DDHD1: variants seen among roughly 807,000 people sequenced by gnomAD.
DDHD1 encodes the protein phospholipase DDHD1.
In DDHD1, 49 loss-of-function variants were observed where a neutral mutation model predicts 96.4. The observed-to-expected ratio is 0.51, with a 90% CI of 0.40 to 0.64. The LOEUF (loss-of-function observed/expected upper bound fraction) is 0.64. DDHD1 is among the 30% of genes least tolerant of loss of function. The pLI is 0.00. For missense variants in DDHD1, 1,106 were observed against 1,161.2 expected (o/e 0.95, Z 0.69); for synonymous variants, 442 against 446.5 (o/e 0.99, Z 0.13).
At chr14:53,089,634 T>A (rs1252135481) in intron 4 of DDHD1, among the ~76,000 whole-genome samples, 1 of 152,154 alleles carries the variant, frequency 6.6e-6, no homozygotes, top group African/African-American at 2.4e-5. Flanking sequence ...GCTAGCCATA[T>A]GCAGAAAGCT....
At chr14:53,119,659 C>A (rs1256279068) in intron 1 of DDHD1, among the ~76,000 whole-genome samples, 1 of 152,158 alleles carries the variant, frequency 6.6e-6, no homozygotes, top group Non-Finnish European at 1.5e-5. Flanking sequence ...ACATGCAAAT[C>A]AATAAACGTA....
In DDHD1 at chr14:53,044,965, G is replaced by T. The variant is rs1244250495; in HGVS notation, c.*1803C>A. 6.6e-6 allele frequency: 1 copy of T among 152,170 alleles called. No homozygotes were observed. Among genetic ancestry groups the T allele is most frequent in the Admixed American group, 6.5e-5 (1 of 15,282 alleles). The allele number at this position is 152,170 out of a possible 1,614,324, so 9.4% of individuals were successfully genotyped here. A position where few individuals can be genotyped will look rare whatever the true frequency, so the allele number is the denominator to read the frequency against. On this transcript the variant is annotated 3_prime_UTR_variant, in exon 13 of 13. Coordinates refer to ENST00000673822, the MANE Select transcript of DDHD1 (RefSeq NM_001160148.2). ...GTTAAGAAAAGACAGCACCTTAAGT[G>T]GAACCTAGTGGAAACCACTCAGAAG...
chr14:53,151,290 T>C lies in DDHD1; in HGVS notation c.838+971A>G, dbSNP rs146110310. On this transcript the variant is annotated intron_variant, in intron 1 of 12. Coordinates refer to ENST00000673822, the MANE Select transcript of DDHD1 (RefSeq NM_001160148.2). ...CAATGAAGACATCTAAGTTAGGGCA[T>C]TGGGCCCACGAAAATTAAAAGTGTA... 2.7e-3 allele frequency among the ~76,000 whole-genome samples: 416 copies of C among 152,288 alleles called. 1 individual carries two copies. The highest frequency in any genetic ancestry group is 9.6e-3 in the African/African-American group (397 of 41,550).
chr14:53,085,909 ATTAGATGAATGGCTAAC>A (rs1051759342), intron 4 of DDHD1, among the ~76,000 whole-genome samples: 1 of 152,142 alleles, frequency 6.6e-6, no homozygotes, highest in African/African-American at 2.4e-5. Flanking sequence ...TTGAAAAAAG[ATTAGATGAATGGCTAAC>A]TAGAATAAAC....
rs10137533 is a variant in DDHD1, at chr14:53,051,670, A to G, written c.2521+174T>C. Among the ~76,000 whole-genome samples the G allele has an allele frequency of 0.031, 4,775 of 152,056 alleles. 246 individuals carry two copies. The highest frequency in any genetic ancestry group is 0.11 in the African/African-American group (4,419 of 41,492). ...TAGTCAATTTTCAGGTTTCAGAACC[A>G]CTACCATTTAAGACTAGAAAATATG... is the stretch of plus-strand genomic sequence containing the variant. On this transcript the variant is annotated intron_variant, in intron 12 of 12. Transcript: ENST00000673822.
chr14:53,134,870 T>A (rs1265867185), intron 1 of DDHD1, among the ~76,000 whole-genome samples: 1 of 152,170 alleles, frequency 6.6e-6, no homozygotes. Context: ...CAAAACTGCA[T>A]CCAGGCCATC....
chr14:53,062,978 T>C lies in DDHD1; in HGVS notation c.1731A>G (p.Arg577=), dbSNP rs1477989540. The C allele has an allele frequency of 3.1e-6, 5 of 1,614,082 alleles. No individual in the cohort carries two copies. The highest frequency in any genetic ancestry group is 4.2e-6 in the Non-Finnish European group (5 of 1,179,980). Reference sequence around the variant, plus strand: ...TTATATAGAGTTCATCAAGAAGATGTCGTTCTTCATAGCTCATCCATCGTT... The same window carrying C: ...TTATATAGAGTTCATCAAGAAGATGCCGTTCTTCATAGCTCATCCATCGTT... ...PDERWMSYEE[R]HLLDELYITK... Residue 577 remains arginine (R), a synonymous_variant, in exon 7 of 13, where the codon CGA becomes CGG. Coordinates refer to ENST00000673822, the MANE Select transcript of DDHD1 (RefSeq NM_001160148.2).
rs769712765 is a variant in DDHD1 at position 53,054,484 on chromosome 14, C to G, written c.2391G>C (p.Gly797=). The change falls in exon 11 of 13, where the codon GGG becomes GGC. Residue 797 remains glycine, a synonymous_variant. Coordinates refer to ENST00000673822, the MANE Select transcript of DDHD1 (RefSeq NM_001160148.2). ...AACTGCTATGTGGAAGGGTCTGTGTCCCTACGGTGGTAGCAGAAGGTGAGG... is the reference window on the plus strand; with the variant it reads ...AACTGCTATGTGGAAGGGTCTGTGTGCCTACGGTGGTAGCAGAAGGTGAGG... ...PVASPSATTV[G]TQTLPHSSSG... is the part of the protein sequence containing the mutation. 6.2e-7 allele frequency: 1 copy of G among 1,614,046 alleles called. No homozygotes were observed. The highest frequency in any genetic ancestry group is 1.1e-5 in the South Asian group (1 of 91,054).
intron 4 of DDHD1, among the ~76,000 whole-genome samples, chr14:53,077,410 G>C (rs1450370636): frequency 1.3e-5 from 2 of 152,168 alleles, no homozygotes; most frequent in African/African-American, 4.8e-5. Flanking sequence ...TAACCAAATA[G>C]TTTCTGCATG....
In DDHD1 at chr14:53,054,626, G is replaced by A; in HGVS notation, c.2249C>T (p.Ala750Val). The change falls in exon 11 of 13, where the codon GCT (alanine) becomes GTT (valine). Residue 750 changes from alanine to valine, a missense_variant. By Grantham distance (64) the Ala-to-Val change is moderately conservative. Transcript: ENST00000673822. ...TNIGKASILG[A>V]ASIGKGLGGM... Reference sequence around the variant, plus strand: ...TCCAAGTCCCTTTCCAATGCTAGCAGCCCCTGTATTTCACAAAGCAGGGTA... The same window carrying A: ...TCCAAGTCCCTTTCCAATGCTAGCAACCCCTGTATTTCACAAAGCAGGGTA... The A allele has an allele frequency of 6.2e-7, 1 of 1,613,330 alleles. No homozygotes were observed. Among genetic ancestry groups the A allele is most frequent in the East Asian group, 2.2e-5 (1 of 44,866 alleles).
chr14:53,146,495 C>CAA (rs11399058), intron 1 of DDHD1, among the ~76,000 whole-genome samples: 2,758 of 137,414 alleles, frequency 0.02, 56 homozygotes, highest in Admixed American at 0.049. Flanking sequence ...CAGAGCATCT[C>CAA]AAAAAAAAAA....
Position 53,091,946 on chromosome 14 carries a change from A to G in DDHD1, c.1142-14T>C, listed in dbSNP as rs1886464902. 8 of 1,600,236 alleles carry G rather than the reference A, an allele frequency of 5.0e-6. No individual in the cohort carries two copies. The highest frequency in any genetic ancestry group is 6.0e-6 in the Non-Finnish European group (7 of 1,173,354). The stretch of plus-strand genomic sequence containing the variant: ...CACTACTTGATGCTGTAGAAAAATT[A>G]TAATTCTAAGTTTACTATTTAATCT... On this transcript the variant is annotated splice_polypyrimidine_tract_variant and intron_variant, in intron 3 of 12. Coordinates refer to ENST00000673822, the MANE Select transcript of DDHD1 (RefSeq NM_001160148.2).
At chr14:53,126,456 T>A (rs1392304657) in intron 1 of DDHD1, among the ~76,000 whole-genome samples, 1 of 152,212 alleles carries the variant, frequency 6.6e-6, no homozygotes, top group Admixed American at 6.5e-5. Context: ...CAGCCTCGAC[T>A]TCCCGGGCTC....
In DDHD1 at chr14:53,045,955, A is replaced by G. The variant is rs949295556; in HGVS notation, c.*813T>C. The G allele has an allele frequency of 1.3e-5, 2 of 152,210 alleles. No individual in the cohort carries two copies. The highest frequency in any genetic ancestry group is 1.3e-4 in the Admixed American group (2 of 15,276). The allele number at this position is 152,210 out of a possible 1,614,324, so 9.4% of individuals were successfully genotyped here. ...ATGGAGTACTCCGTGTCAAGTTTAG[A>G]GAAACTTTAGCTTTCTCTGAAGTAC... On this transcript the variant is annotated 3_prime_UTR_variant, in exon 13 of 13. Transcript: ENST00000673822.
At position 53,128,530 on chromosome 14, in the gene DDHD1, C is replaced by T. The variant is rs139704558; in HGVS notation, c.838+23731G>A. 7.5e-4 allele frequency among the ~76,000 whole-genome samples: 114 copies of T among 152,314 alleles called. 1 individual carries two copies. The highest frequency in any genetic ancestry group is 2.6e-3 in the African/African-American group (108 of 41,556). On this transcript the variant is annotated intron_variant, in intron 1 of 12. Transcript: ENST00000673822. ...GTATGACCTTATCACTTCCCAAAGGCCCCACTTCCCCAATACCATCACCTA... is the reference window on the plus strand; with the variant it reads ...GTATGACCTTATCACTTCCCAAAGGTCCCACTTCCCCAATACCATCACCTA...
rs1881617120 is a variant in DDHD1, at chr14:53,041,143, A to C, written c.*5625T>G. ...AGAAAGCAGTAAAGGTCAAGTGTTA[A>C]CATACTTGTTTTTCATCTTACTCCA... On this transcript the variant is annotated 3_prime_UTR_variant, in exon 13 of 13. Transcript: ENST00000673822. The C allele has an allele frequency of 6.6e-6, 1 of 152,122 alleles. No individual in the cohort carries two copies. The allele number at this position is 152,122 out of a possible 1,614,324, so 9.4% of individuals were successfully genotyped here.
At chr14:53,093,537 T>G in intron 2 of DDHD1, 93 bp from the exon 3 acceptor site, 1 of 1,504,324 alleles carries the variant, frequency 6.6e-7, no homozygotes, top group East Asian at 2.4e-5. Context: ...AATCAATATG[T>G]TATCTAAAAA....
At chr14:53,139,244 A>C (rs1890464287) in intron 1 of DDHD1, among the ~76,000 whole-genome samples, 1 of 152,146 alleles carries the variant, frequency 6.6e-6, no homozygotes, top group Non-Finnish European at 1.5e-5. Flanking sequence ...CCTAAGAATA[A>C]GGCAGAACCA....
At chr14:53,147,100 C>G (rs929953036) in intron 1 of DDHD1, among the ~76,000 whole-genome samples, 5 of 152,132 alleles carry the variant, frequency 3.3e-5, no homozygotes, top group Non-Finnish European at 7.4e-5. Context: ...GTGAATAATA[C>G]ATTCTCCTTC....
Sources: gnomAD v4.1 joint callset for allele counts (sites outside exome capture counted in the v4.1 genomes callset) on GRCh38, gnomAD v4.1.1 for gene constraint, MANE v1.5 for transcripts, NCBI Gene and HGNC (gene_info 2026-07-23, HGNC 2026-07-21) for gene names.